Variants in FTO observed in about 807,000 individuals in gnomAD.
FTO encodes the protein FTO alpha-ketoglutarate dependent dioxygenase.
A neutral mutation model predicts 63.9 loss-of-function variants in FTO; 47 were observed. The ratio of observed to expected loss-of-function variants is 0.74; its 90% CI spans 0.58 to 0.94. The LOEUF (loss-of-function observed/expected upper bound fraction) is 0.94. FTO is among the 40% of genes least tolerant of loss of function. FTO has a pLI of 0.00. For missense variants in FTO, 562 were observed against 618.1 expected (o/e 0.91, Z 0.96); for synonymous variants, 207 against 224.4 (o/e 0.92, Z 0.69).
At chr16:53,988,697 T>G (rs1188945115) in intron 8 of FTO, among the ~76,000 whole-genome samples, 1 of 152,138 alleles carries the variant, frequency 6.6e-6, no homozygotes, top group African/African-American at 2.4e-5. Context: ...GAAATTGAAG[T>G]CTAGAGAGGT....
intron 1 of FTO, among the ~76,000 whole-genome samples, chr16:53,758,476 A>G (rs903819183): frequency 3.9e-5 from 6 of 152,174 alleles, no homozygotes; most frequent in Non-Finnish European, 8.8e-5. Flanking sequence ...AGGGAAGCTG[A>G]CCAGCCCAAT....
chr16:53,913,948 C>T (rs1186231891), intron 7 of FTO, among the ~76,000 whole-genome samples: 7 of 150,470 alleles, frequency 4.7e-5, no homozygotes, highest in Admixed American at 2.7e-4. Context: ...CACTGCACTC[C>T]GGCTTGGGCG....
intron 1 of FTO, among the ~76,000 whole-genome samples, chr16:53,730,651 T>A (rs1238970302): frequency 6.6e-6 from 1 of 152,054 alleles, no homozygotes; most frequent in Admixed American, 6.6e-5. Flanking sequence ...TGCACCACCA[T>A]GCCCGGCTAA....
intron 8 of FTO, among the ~76,000 whole-genome samples, chr16:54,095,081 T>C (rs2086485639): frequency 6.6e-6 from 1 of 152,196 alleles, no homozygotes; most frequent in Non-Finnish European, 1.5e-5. Flanking sequence ...TTTCTTTCTT[T>C]TTTGGCAGAG....
chr16:53,912,903 C>T (rs1051235986), intron 7 of FTO, among the ~76,000 whole-genome samples: 3 of 152,194 alleles, frequency 2.0e-5, no homozygotes, highest in South Asian at 4.1e-4. Flanking sequence ...GCAGCTTGTT[C>T]AAGAAAGAAG....
intron 1 of FTO, among the ~76,000 whole-genome samples, chr16:53,765,320 G>A (rs535870390): frequency 6.6e-6 from 1 of 151,874 alleles, no homozygotes; most frequent in South Asian, 2.1e-4. Context: ...ACTTTGGAAG[G>A]CCAAGGCAGG....
chr16:53,903,078 C>G (rs1056473702), intron 7 of FTO, among the ~76,000 whole-genome samples: 2 of 152,062 alleles, frequency 1.3e-5, no homozygotes, highest in South Asian at 2.1e-4. Flanking sequence ...CCACTGTGCT[C>G]TAGCCTGGGT....
chr16:54,002,583 A>G (rs1172400379), intron 8 of FTO, among the ~76,000 whole-genome samples: 3 of 152,228 alleles, frequency 2.0e-5, no homozygotes, highest in African/African-American at 7.2e-5. Flanking sequence ...AGTTTCATGG[A>G]AAGAGATCTC....
At chr16:54,005,722 A>G (rs929823721) in intron 8 of FTO, among the ~76,000 whole-genome samples, 18 of 152,232 alleles carry the variant, frequency 1.2e-4, no homozygotes, top group Non-Finnish European at 2.5e-4. Context: ...AAAGGATCAA[A>G]CATAATCCTT....
intron 1 of FTO, among the ~76,000 whole-genome samples, chr16:53,754,989 G>A (rs575715500): frequency 1.3e-5 from 2 of 152,272 alleles, no homozygotes; most frequent in East Asian, 1.9e-4. Flanking sequence ...ATTTCTCATC[G>A]CTATAGGCAA....
chr16:53,840,702 C>G (rs1263551346), intron 3 of FTO, among the ~76,000 whole-genome samples: 2 of 152,174 alleles, frequency 1.3e-5, no homozygotes, highest in African/African-American at 4.8e-5. Context: ...TGCAACCCAG[C>G]TCTTGAGTAA....
chr16:53,816,451 G>T (rs2151751766), intron 2 of FTO, among the ~76,000 whole-genome samples: 1 of 152,172 alleles, frequency 6.6e-6, no homozygotes, highest in Middle Eastern at 3.4e-3. Flanking sequence ...ACATGCTTGG[G>T]TTCCTAACTG....
chr16:53,872,379 T>C (rs1358880658), intron 4 of FTO, among the ~76,000 whole-genome samples: 1 of 152,234 alleles, frequency 6.6e-6, no homozygotes, highest in East Asian at 1.9e-4. Context: ...ATTCTGCCTT[T>C]CGAGGCCCTG....
At chr16:53,741,984 C>T (rs1349667751) in intron 1 of FTO, among the ~76,000 whole-genome samples, 1 of 152,158 alleles carries the variant, frequency 6.6e-6, no homozygotes, top group African/African-American at 2.4e-5. Context: ...TGCCACGTTT[C>T]TGTCTCCATA....
intron 4 of FTO, among the ~76,000 whole-genome samples, chr16:53,871,809 C>T (rs2080505810): frequency 6.6e-6 from 1 of 151,992 alleles, no homozygotes. Flanking sequence ...TCACTGCAAC[C>T]TCTGCCTCCT....
At chr16:53,792,075 C>CAAAAAA (rs10606857) in intron 1 of FTO, among the ~76,000 whole-genome samples, 6 of 138,580 alleles carry the variant, frequency 4.3e-5, no homozygotes, top group Admixed American at 2.3e-4. Flanking sequence ...GACTTCGTCT[C>CAAAAAA]AAAAAAAAAA....
At chr16:53,814,349 C>A (rs2078615976) in intron 2 of FTO, among the ~76,000 whole-genome samples, 1 of 152,116 alleles carries the variant, frequency 6.6e-6, no homozygotes, top group Non-Finnish European at 1.5e-5. Flanking sequence ...TCCTCAGTAA[C>A]CCCCTTGCTG....
chr16:53,937,882 T>C (rs183728899), intron 8 of FTO: 1 of 152,218 alleles, frequency 6.6e-6, no homozygotes, highest in Admixed American at 6.5e-5. Flanking sequence ...TAAAATATAA[T>C]AAAAATCAGC....
intron 2 of FTO, among the ~76,000 whole-genome samples, chr16:53,818,685 T>C (rs1362354288): frequency 6.6e-6 from 1 of 151,742 alleles, no homozygotes; most frequent in Non-Finnish European, 1.5e-5. Flanking sequence ...CTTTTACATA[T>C]GTACTGTTTT....
Sources: allele counts gnomAD v4.1 joint callset (sites outside exome capture counted in the v4.1 genomes callset), GRCh38; gene constraint gnomAD v4.1.1; transcripts MANE v1.5; gene names NCBI Gene and HGNC (gene_info 2026-07-23, HGNC 2026-07-21).